The following CDH13 variants were observed in gnomAD, a reference collection of about 807,000 sequenced individuals.
CDH13 encodes cadherin-13.
In CDH13, 24 loss-of-function variants were observed where a neutral mutation model predicts 63.8. The observed-to-expected ratio is 0.38, with a 90% CI of 0.27 to 0.53. The LOEUF (loss-of-function observed/expected upper bound fraction) is 0.53. CDH13 is among the 20% of genes least tolerant of loss of function. CDH13 has a pLI of 0.85. For synonymous variants in CDH13, 503 were observed against 355.3 expected (o/e 1.42, Z -4.67); for missense variants, 1,049 against 903.1 (o/e 1.16, Z -2.07).
intron 8 of CDH13, among the ~76,000 whole-genome samples, chr16:83,614,021 G>C (rs1909080132): frequency 6.6e-6 from 1 of 152,010 alleles, no homozygotes; most frequent in Non-Finnish European, 1.5e-5. Context: ...ATACTTCTGA[G>C]TCTATTTCTA....
chr16:82,639,546 G>A (rs61231655), intron 1 of CDH13: 1 of 878,240 alleles, frequency 1.1e-6, no homozygotes, highest in East Asian at 2.7e-5. Context: ...GCCTAAGTCA[G>A]TGCTTCCTGC....
intron 1 of CDH13, among the ~76,000 whole-genome samples, chr16:82,840,064 C>G (rs1009231143): frequency 3.9e-5 from 6 of 151,966 alleles, no homozygotes; most frequent in Non-Finnish European, 8.8e-5. Context: ...TGATTTTTTC[C>G]TTTTTAGTTC....
chr16:82,896,596 C>T (rs1171390371), intron 2 of CDH13, among the ~76,000 whole-genome samples: 1 of 151,300 alleles, frequency 6.6e-6, no homozygotes, highest in Non-Finnish European at 1.5e-5. Flanking sequence ...GTGCCCAGCT[C>T]CAGGACAGGA....
intron 7 of CDH13, among the ~76,000 whole-genome samples, chr16:83,503,743 T>C (rs905246374): frequency 6.6e-6 from 1 of 151,944 alleles, no homozygotes; most frequent in Non-Finnish European, 1.5e-5. Flanking sequence ...GGGTTGTTTG[T>C]TTTTTTTCTT....
chr16:82,681,373 T>G (rs1914526762), intron 1 of CDH13, among the ~76,000 whole-genome samples: 1 of 152,164 alleles, frequency 6.6e-6, no homozygotes, highest in African/African-American at 2.4e-5. Flanking sequence ...TGGCTGCTAC[T>G]GGGTACAGGA....
chr16:83,299,096 AT>A (rs1273536281), intron 5 of CDH13, among the ~76,000 whole-genome samples: 2 of 152,130 alleles, frequency 1.3e-5, no homozygotes, highest in Non-Finnish European at 2.9e-5. Context: ...TATGCATATA[AT>A]TTTACCAAAA....
intron 1 of CDH13, among the ~76,000 whole-genome samples, chr16:82,748,400 G>C (rs775752164): frequency 2.6e-5 from 4 of 152,112 alleles, no homozygotes; most frequent in Non-Finnish European, 4.4e-5. Context: ...GTTCTTAATC[G>C]TGTGTGTGAT....
At chr16:82,651,501 G>T (rs1376108635) in intron 1 of CDH13, among the ~76,000 whole-genome samples, 1 of 152,192 alleles carries the variant, frequency 6.6e-6, no homozygotes, top group African/African-American at 2.4e-5. Flanking sequence ...ATATTACTTT[G>T]ATTTTATTGG....
At chr16:83,489,105 G>A (rs2073955703) in intron 7 of CDH13, among the ~76,000 whole-genome samples, 1 of 152,128 alleles carries the variant, frequency 6.6e-6, no homozygotes, top group Non-Finnish European at 1.5e-5. Context: ...AAAAGATGAA[G>A]CATGGTGATT....
At position 83,590,009 on chromosome 16, in the gene CDH13, A is replaced by C. The variant is rs1010582228; in HGVS notation, c.961-12445A>C. On this transcript the variant is annotated intron_variant, in intron 7 of 13. Coordinates refer to ENST00000567109, the MANE Select transcript of CDH13 (RefSeq NM_001257.5). ...AAGCCAAGCTGCAGAGATGCGGAGG[A>C]GTGAAAAAGCCTAAGAAGGTATGAA... Among the ~76,000 whole-genome samples the C allele has an allele frequency of 6.6e-5, 10 of 152,292 alleles. No individual in the cohort carries two copies. The East Asian group carries it at 1.9e-3, about 29-fold the overall frequency.
intron 1 of CDH13, among the ~76,000 whole-genome samples, chr16:82,642,419 C>T (rs1909526632): frequency 6.6e-6 from 1 of 152,164 alleles, no homozygotes; most frequent in South Asian, 2.1e-4. Flanking sequence ...CAGTAATGTA[C>T]AGGGCATAAT....
At chr16:82,759,543 T>C (rs2034749042) in intron 1 of CDH13, among the ~76,000 whole-genome samples, 1 of 150,316 alleles carries the variant, frequency 6.7e-6, no homozygotes, top group South Asian at 2.1e-4. Context: ...CATATATGTA[T>C]ATGTATAATA....
intron 5 of CDH13, among the ~76,000 whole-genome samples, chr16:83,255,845 C>G (rs1459423575): frequency 6.6e-6 from 1 of 152,062 alleles, no homozygotes; most frequent in Admixed American, 6.6e-5. Context: ...CTTTTAATTC[C>G]TAAGGTGGTT....
chr16:82,680,522 T>G (rs934406485), intron 1 of CDH13, among the ~76,000 whole-genome samples: 1 of 152,138 alleles, frequency 6.6e-6, no homozygotes, highest in East Asian at 1.9e-4. Context: ...GACAGATTAT[T>G]TCTGCGCTCC....
intron 11 of CDH13, among the ~76,000 whole-genome samples, chr16:83,776,327 A>T (rs1297796005): frequency 6.6e-6 from 1 of 152,242 alleles, no homozygotes; most frequent in African/African-American, 2.4e-5. Flanking sequence ...TTCAATAAAA[A>T]GAGAAAAATA....
At chr16:83,602,353 G>C (rs1285688792) in intron 7 of CDH13, 101 bp from the exon 8 acceptor site, 4 of 1,123,796 alleles carry the variant, frequency 3.6e-6, no homozygotes, top group East Asian at 2.3e-5. Flanking sequence ...ACCCTAGATG[G>C]AGGAGGGGGA....
chr16:83,291,618 G>A (rs1052593758), intron 5 of CDH13, among the ~76,000 whole-genome samples: 36 of 152,068 alleles, frequency 2.4e-4, no homozygotes, highest in African/African-American at 8.7e-4. Context: ...CAGAGACCAA[G>A]ATAGTTTTCT....
chr16:82,849,841 C>A (rs62035197), intron 1 of CDH13, among the ~76,000 whole-genome samples: 24,470 of 152,184 alleles, frequency 0.16, 2,226 homozygotes, highest in South Asian at 0.23. Context: ...ACAAAAGGAA[C>A]AACAAAGCCT....
chr16:83,211,599 A>C (rs1225072173), intron 4 of CDH13, among the ~76,000 whole-genome samples: 1 of 152,190 alleles, frequency 6.6e-6, no homozygotes, highest in Non-Finnish European at 1.5e-5. Context: ...AACTGAATGG[A>C]ACATTGGCTT....
Sources: allele counts gnomAD v4.1 joint callset (sites outside exome capture counted in the v4.1 genomes callset), GRCh38; gene constraint gnomAD v4.1.1; transcripts MANE v1.5; gene names NCBI Gene and HGNC (gene_info 2026-07-23, HGNC 2026-07-21).